ZNF292: variants seen among roughly 807,000 people sequenced by gnomAD.
ZNF292 encodes the protein zinc finger protein 292.
ZNF292 carries 26 observed loss-of-function variants against 217.9 expected under a neutral mutation model. The observed-to-expected ratio is 0.12, with a 90% CI of 0.09 to 0.17. The LOEUF is 0.17. ZNF292 is among the 10% of genes least tolerant of loss of function. The pLI, the probability that ZNF292 is intolerant of heterozygous loss-of-function variation, is 1.00. For missense variants in ZNF292, 2,904 were observed against 3,175.2 expected, an observed-to-expected ratio of 0.91 and a Z score of 2.05; for synonymous variants, 1,257 against 1,124.1, an observed-to-expected ratio of 1.12 and a Z score of -2.37.
chr6:87,233,261 G>C, intron 4 of ZNF292, 64 bp from the exon 5 acceptor site: 1 of 1,148,914 alleles, frequency 8.7e-7, no homozygotes, highest in Non-Finnish European at 1.2e-6. Context: ...TTTCTTATAA[G>C]TGTTGGTATT....
chr6:87,250,914 T>G (rs939029974), intron 7 of ZNF292, among the ~76,000 whole-genome samples: 21 of 152,206 alleles, frequency 1.4e-4, no homozygotes, highest in Non-Finnish European at 2.5e-4. Flanking sequence ...ATATGGGTCT[T>G]TCTACTAGAG....
In ZNF292 at chr6:87,259,156, G is replaced by A; in HGVS notation, c.5527G>A (p.Gly1843Ser). 6.2e-7 allele frequency: 1 copy of A among 1,613,272 alleles called. No homozygotes were observed. The highest frequency in any genetic ancestry group is 8.5e-7 in the Non-Finnish European group (1 of 1,179,606). ...GGATCAAATACAGGAAATTTTAGAA[G>A]GCTTACAGAAATTAAAATTAGAAAA... ...KEDQIQEILE[G>S]LQKLKLENDL... The change falls in exon 8 of 8, where the codon GGC becomes AGC. Residue 1843 changes from glycine to serine, a missense_variant. This residue lies in a region of ZNF292 where 622 missense variants were observed against 573.1 expected (regional missense o/e 1.09). Coordinates refer to ENST00000369577, the MANE Select transcript of ZNF292 (RefSeq NM_015021.3).
chr6:87,260,559 A>T lies in ZNF292; in HGVS notation c.6930A>T (p.Lys2310Asn), dbSNP rs769299748. The T allele has an allele frequency of 6.2e-7, 1 of 1,613,308 alleles. No homozygotes were observed. Among genetic ancestry groups the T allele is most frequent in the Non-Finnish European group, 8.5e-7 (1 of 1,179,672 alleles). ...TGTCAAGCAAGGCAAACCAAGAAAA[A>T]TCAAAGTCTAAACATCGGGGGACCA... is the stretch of plus-strand genomic sequence containing the variant. ...ENMSSKANQE[K>N]SKSKHRGTKH... is the part of the protein sequence containing the mutation. The change falls in exon 8 of 8, where the codon AAA becomes AAT. Residue 2310 changes from lysine to asparagine, a missense_variant. Coordinates refer to ENST00000369577, the MANE Select transcript of ZNF292 (RefSeq NM_015021.3).
At position 87,257,647 on chromosome 6, in the gene ZNF292, C is replaced by T. The variant is rs1450924564; in HGVS notation, c.4018C>T (p.Pro1340Ser). The change falls in exon 8 of 8, where the codon CCT becomes TCT. Residue 1340 changes from proline (P) to serine (S), a missense_variant. Pro to Ser is a moderately conservative substitution (Grantham distance 74). This residue lies in a region of ZNF292 where 687 missense variants were observed against 623.0 expected (regional missense o/e 1.10). Coordinates refer to ENST00000369577, the MANE Select transcript of ZNF292 (RefSeq NM_015021.3). ...TAGCACCAATGCCCAACAGTCTGCA[C>T]CTGAAAAAGTTAAAAAAGACCGTGG... ...FSSTNAQQSAPEKVKKDRGRG... is the reference protein window; with the variant it reads ...FSSTNAQQSASEKVKKDRGRG... The T allele has an allele frequency of 6.2e-7, 1 of 1,609,348 alleles. No individual in the cohort carries two copies.
At chr6:87,156,564 C>G (rs1230562306) in intron 1 of ZNF292, among the ~76,000 whole-genome samples, 2 of 152,198 alleles carry the variant, frequency 1.3e-5, no homozygotes, top group African/African-American at 4.8e-5. Flanking sequence ...TTTCCACTAT[C>G]CTTTCTGTCC....
chr6:87,222,501 C>A (rs1328871608), intron 4 of ZNF292, among the ~76,000 whole-genome samples: 1 of 151,546 alleles, frequency 6.6e-6, no homozygotes, highest in East Asian at 1.9e-4. Context: ...GGCTAAAGTT[C>A]TTTTATGTAA....
intron 1 of ZNF292, among the ~76,000 whole-genome samples, chr6:87,194,016 GA>G (rs1771890520): frequency 6.6e-6 from 1 of 152,128 alleles, no homozygotes. Context: ...GGAAAAACAA[GA>G]ACAGAGGAAA....
intron 1 of ZNF292, among the ~76,000 whole-genome samples, chr6:87,171,646 A>T (rs988115377): frequency 2.6e-5 from 4 of 152,228 alleles, no homozygotes; most frequent in Non-Finnish European, 5.9e-5. Context: ...AATTTCACCA[A>T]CATAAAAATT....
chr6:87,175,768 T>G (rs1230232261), intron 1 of ZNF292, among the ~76,000 whole-genome samples: 1 of 152,246 alleles, frequency 6.6e-6, no homozygotes, highest in Non-Finnish European at 1.5e-5. Context: ...TGTCAGCATT[T>G]AAGAAATCAT....
At chr6:87,173,216 A>AT (rs1771164392) in intron 1 of ZNF292, among the ~76,000 whole-genome samples, 1 of 151,500 alleles carries the variant, frequency 6.6e-6, no homozygotes, top group South Asian at 2.1e-4. Flanking sequence ...CACAAAAAAA[A>AT]ATCCAACTCC....
chr6:87,163,525 T>TA (rs1422785483), intron 1 of ZNF292, among the ~76,000 whole-genome samples: 1 of 152,166 alleles, frequency 6.6e-6, no homozygotes, highest in African/African-American at 2.4e-5. Context: ...ATCAGATGTT[T>TA]AAATTGTTCT....
At chr6:87,226,746 T>A (rs1013524228) in intron 4 of ZNF292, among the ~76,000 whole-genome samples, 3 of 151,236 alleles carry the variant, frequency 2.0e-5, no homozygotes, top group African/African-American at 7.3e-5. Context: ...GTGCATGATC[T>A]TGCCTCACTG....
chr6:87,162,566 A>G (rs1221847541), intron 1 of ZNF292, among the ~76,000 whole-genome samples: 1 of 152,222 alleles, frequency 6.6e-6, no homozygotes. Context: ...CTCATGGGAA[A>G]TAATTTTTTA....
chr6:87,252,913 T>C (rs914032831), intron 7 of ZNF292, among the ~76,000 whole-genome samples: 2 of 151,970 alleles, frequency 1.3e-5, no homozygotes, highest in African/African-American at 2.4e-5. Context: ...TATTTTTTTA[T>C]TATTATTTTT....
intron 4 of ZNF292, among the ~76,000 whole-genome samples, chr6:87,229,261 A>G (rs1188377036): frequency 6.6e-6 from 1 of 152,010 alleles, no homozygotes; most frequent in African/African-American, 2.4e-5. Context: ...GTGGATTTTT[A>G]TATCTTGCAG....
At chr6:87,207,592 G>A (rs572311084) in intron 1 of ZNF292, among the ~76,000 whole-genome samples, 1 of 152,172 alleles carries the variant, frequency 6.6e-6, no homozygotes, top group African/African-American at 2.4e-5. Context: ...GGCCTAGTTT[G>A]TGTTCAGTTT....
chr6:87,189,700 C>G (rs1434592006), intron 1 of ZNF292, among the ~76,000 whole-genome samples: 3 of 151,706 alleles, frequency 2.0e-5, no homozygotes. Context: ...GATGTATATT[C>G]TCAACATGAC....
At chr6:87,245,405 T>C (rs1477488545) in intron 6 of ZNF292, 98 bp from the exon 7 acceptor site, 10 of 897,940 alleles carry the variant, frequency 1.1e-5, no homozygotes, top group Non-Finnish European at 1.6e-5. Context: ...GATTGGAATA[T>C]AAAACCAGTT....
chr6:87,259,325 A>T lies in ZNF292; in HGVS notation c.5696A>T (p.Asn1899Ile). 6.2e-7 allele frequency: 1 copy of T among 1,613,532 alleles called. No individual in the cohort carries two copies. The change falls in exon 8 of 8, where the codon AAT becomes ATT. Residue 1899 changes from asparagine (N) to isoleucine (I), a missense_variant. Coordinates refer to ENST00000369577, the MANE Select transcript of ZNF292 (RefSeq NM_015021.3). ...MINIQFNDKV[N>I]KPFVCQNQGC... ...AACATTCAATTTAATGACAAAGTTAATAAACCCTTTGTGTGTCAAAACCAA... is the reference window on the plus strand; with the variant it reads ...AACATTCAATTTAATGACAAAGTTATTAAACCCTTTGTGTGTCAAAACCAA...
Sources: allele counts gnomAD v4.1 joint callset (sites outside exome capture counted in the v4.1 genomes callset), GRCh38; gene constraint gnomAD v4.1.1; regional missense constraint gnomAD v4.1.1; transcripts MANE v1.5; gene names NCBI Gene and HGNC (gene_info 2026-07-23, HGNC 2026-07-21).